Variants in SNW1 observed in about 807,000 individuals in gnomAD.
SNW1 encodes SNW domain-containing protein 1.
A neutral mutation model predicts 75.6 loss-of-function variants in SNW1; 9 were observed. That is an observed-to-expected ratio of 0.12 (90% CI 0.07 to 0.21). SNW1 has a LOEUF of 0.21. Among genes scored for constraint, SNW1 ranks in the 10% least tolerant of loss-of-function variants. The probability of loss-of-function intolerance (pLI) is 1.00; values close to 1 mark genes in which losing one functional copy is unlikely to be tolerated. For synonymous variants in SNW1, 200 were observed against 219.1 expected (o/e 0.91, Z 0.77); for missense variants, 409 against 670.9 (o/e 0.61, Z 4.31).
At chr14:77,740,189 A>G (rs902943746) in intron 3 of SNW1, among the ~76,000 whole-genome samples, 5 of 150,682 alleles carry the variant, frequency 3.3e-5, no homozygotes, top group African/African-American at 1.2e-4. Context: ...AATAAATAAT[A>G]GGCATTCTAC....
intron 3 of SNW1, among the ~76,000 whole-genome samples, chr14:77,748,692 A>G (rs1260208295): frequency 6.6e-6 from 1 of 151,864 alleles, no homozygotes; most frequent in Non-Finnish European, 1.5e-5. Context: ...GGTTCACGCC[A>G]TTCTCCTGCC....
At chr14:77,746,307 G>A (rs1158649979) in intron 3 of SNW1, among the ~76,000 whole-genome samples, 1 of 152,248 alleles carries the variant, frequency 6.6e-6, no homozygotes, top group Admixed American at 6.5e-5. Context: ...ATGCCAGCAA[G>A]ACAAATGTCA....
chr14:77,748,447 G>GA lies in SNW1; in HGVS notation c.330+2871dup, dbSNP rs147163071. Among the ~76,000 whole-genome samples, 12 of 150,618 alleles carry GA rather than the reference G, an allele frequency of 8.0e-5. No homozygotes were observed. In the South Asian group the frequency reaches 2.5e-3, roughly 32 times the overall value. ...TAAATAAATAAATAAAATATTTTAG[G>GA]AAAAAAAAATTTGGAATTATATATA... On this transcript the variant is annotated intron_variant, in intron 3 of 13. Transcript: ENST00000261531.
intron 6 of SNW1, among the ~76,000 whole-genome samples, 169 bp from the exon 7 acceptor site, chr14:77,736,175 C>T (rs1366334497): frequency 6.6e-6 from 1 of 152,074 alleles, no homozygotes; most frequent in Non-Finnish European, 1.5e-5. Flanking sequence ...AAAACATGGC[C>T]AACTTTGAAA....
At chr14:77,738,643 G>A (rs11851588) in intron 5 of SNW1, 135 bp downstream of exon 5, 37,603 of 665,048 alleles carry the variant, frequency 0.057, 1,244 homozygotes, top group African/African-American at 0.096. Context: ...TGCAAAGACA[G>A]TAGACAGGCT....
chr14:77,720,982 G>A, intron 11 of SNW1, 154 bp from the exon 12 acceptor site: 1 of 611,568 alleles, frequency 1.6e-6, no homozygotes, highest in Non-Finnish European at 2.9e-6. Flanking sequence ...TAATCAAGCT[G>A]GCAGCCCTTA....
At chr14:77,718,952 C>G (rs1029474730) in intron 12 of SNW1, among the ~76,000 whole-genome samples, 3 of 152,178 alleles carry the variant, frequency 2.0e-5, no homozygotes, top group African/African-American at 7.2e-5. Flanking sequence ...CTCAGGTGAT[C>G]GCCTGCCTTG....
chr14:77,736,050 CT>C, intron 6 of SNW1, 44 bp from the exon 7 acceptor site: 1 of 1,424,568 alleles, frequency 7.0e-7, no homozygotes, highest in Non-Finnish European at 9.8e-7. Context: ...AGTTTCCTCC[CT>C]TTTAGTCATC....
chr14:77,755,445 G>A (rs915036570), intron 1 of SNW1, among the ~76,000 whole-genome samples: 7 of 151,668 alleles, frequency 4.6e-5, no homozygotes, highest in African/African-American at 1.5e-4. Context: ...TTGAGAAAGA[G>A]TCTCACTCTG....
chr14:77,726,032 A>G (rs1020345370), intron 10 of SNW1, among the ~76,000 whole-genome samples: 3 of 152,148 alleles, frequency 2.0e-5, no homozygotes, highest in African/African-American at 7.2e-5. Context: ...TTTGGTTACT[A>G]TAGCCTTGTA....
chr14:77,735,429 G>C (rs1291026735), intron 7 of SNW1, among the ~76,000 whole-genome samples: 1 of 152,016 alleles, frequency 6.6e-6, no homozygotes, highest in African/African-American at 2.4e-5. Flanking sequence ...GGGATTATAG[G>C]CATGCGCCAC....
At chr14:77,721,052 A>C (rs2080536309) in intron 11 of SNW1, 1 of 510,870 alleles carries the variant, frequency 2.0e-6, no homozygotes. Flanking sequence ...AGCTCAAAAG[A>C]ACATCTAACA....
At chr14:77,721,743 T>TTTTTTTA (rs767118557) in intron 11 of SNW1, among the ~76,000 whole-genome samples, 2 of 152,066 alleles carry the variant, frequency 1.3e-5, no homozygotes, top group Admixed American at 1.3e-4. Flanking sequence ...TTTATTTTTA[T>TTTTTTTA]TTTTTTATTT....
In SNW1 at chr14:77,739,067, A is replaced by G. The variant is rs768980629; in HGVS notation, c.331-6T>C. ...GTGTATTTGCTATAAATGACCTAAA[A>G]TGTTCAAACACAAGCAGGCTTAAGA... On this transcript the variant is annotated splice_polypyrimidine_tract_variant and splice_region_variant and intron_variant, in intron 3 of 13. Transcript: ENST00000261531. 1 of 1,602,888 alleles carries G rather than the reference A, an allele frequency of 6.2e-7. No individual in the cohort carries two copies. The highest frequency in any genetic ancestry group is 1.7e-5 in the Admixed American group (1 of 60,016).
rs1257174180 is a variant in SNW1 at position 77,720,831 on chromosome 14, A to T, written c.1131-3T>A. 1 of 1,591,704 alleles carries T rather than the reference A, an allele frequency of 6.3e-7. No homozygotes were observed. Among genetic ancestry groups the T allele is most frequent in the Non-Finnish European group, 8.6e-7 (1 of 1,160,346 alleles). Reference sequence around the variant, plus strand: ...TTTCATTTCTCTGAAGTTTCGACCTATTTTGAAATACGACATCACTAACTG... The same window carrying T: ...TTTCATTTCTCTGAAGTTTCGACCTTTTTTGAAATACGACATCACTAACTG... On this transcript the variant is annotated splice_polypyrimidine_tract_variant and splice_region_variant and intron_variant, in intron 11 of 13. Transcript: ENST00000261531.
At chr14:77,730,879 A>G in intron 10 of SNW1, 109 bp downstream of exon 10, 1 of 1,134,502 alleles carries the variant, frequency 8.8e-7, no homozygotes, top group Non-Finnish European at 1.3e-6. Context: ...GATGTATCTA[A>G]ATTTTGTTTA....
At position 77,736,988 on chromosome 14, in the gene SNW1, C is replaced by T; in HGVS notation, c.621G>A (p.Met207Ile). ...IRMVEMQKDP[M>I]EPPRFKINKK... ...TCACTTACTTGAACCTTGGAGGCTC[C>T]ATTGGATCTTTCTGCATTTCTACCA... Residue 207 changes from methionine to isoleucine, a missense_variant, in exon 6 of 14, where the codon ATG becomes ATA. Transcript: ENST00000261531. 6.2e-7 allele frequency: 1 copy of T among 1,612,838 alleles called. No homozygotes were observed. Among genetic ancestry groups the T allele is most frequent in the Non-Finnish European group, 8.5e-7 (1 of 1,178,932 alleles).
At chr14:77,737,173 T>A (rs1334489106) in intron 5 of SNW1, 98 bp from the exon 6 acceptor site, 9 of 831,530 alleles carry the variant, frequency 1.1e-5, no homozygotes. Context: ...CATTTTCAAT[T>A]CCTTTCGCAA....
At chr14:77,758,002 A>G (rs1257670035) in intron 1 of SNW1, among the ~76,000 whole-genome samples, 3 of 118,858 alleles carry the variant, frequency 2.5e-5, no homozygotes, top group Non-Finnish European at 5.2e-5. Flanking sequence ...ATCAATCACA[A>G]TTTTTCTCTA....
Sources: allele counts gnomAD v4.1 joint callset (sites outside exome capture counted in the v4.1 genomes callset), GRCh38; gene constraint gnomAD v4.1.1; transcripts MANE v1.5; gene names NCBI Gene and HGNC (gene_info 2026-07-23, HGNC 2026-07-21).